The following XIAP variants were observed in gnomAD, a reference collection of about 807,000 sequenced individuals.
XIAP encodes the protein X-linked inhibitor of apoptosis.
In XIAP, 3 loss-of-function variants were observed where a neutral mutation model predicts 33.1. The observed-to-expected ratio is 0.09, with a 90% CI of 0.04 to 0.23. XIAP has a LOEUF of 0.23. XIAP is among the 10% of genes least tolerant of loss of function. XIAP has a pLI of 1.00. For synonymous variants in XIAP, 98 were observed against 121.3 expected, an observed-to-expected ratio of 0.81 and a Z score of 1.26; for missense variants, 264 against 363.0, an observed-to-expected ratio of 0.73 and a Z score of 2.22.
chrX:123,866,583 T>C lies in XIAP; in HGVS notation c.-33+6290T>C, dbSNP rs780932061. ...GATATATATAATATAGTATATAATA[T>C]ATTACATGTATAATATATTATATAT... On this transcript the variant is annotated intron_variant, in intron 1 of 6. Transcript: ENST00000371199. Among the ~76,000 whole-genome samples the C allele has an allele frequency of 5.4e-4, 55 of 101,851 alleles. No individual in the cohort carries two copies. In the Admixed American group the frequency reaches 5.9e-3, roughly 11 times the overall value. 88.4% of individuals were successfully genotyped at this position (101,851 alleles called of 115,157 possible).
Position 123,910,697 on chromosome X carries a change from G to A in XIAP, c.*3516G>A, listed in dbSNP as rs1194178245. ...ATCCTGGCTAACACGGTGAAACCCC[G>A]TCTCTACTAAAAAACAGAAAATTAG... On this transcript the variant is annotated 3_prime_UTR_variant, in exon 7 of 7. Transcript: ENST00000371199. 12 of 294,427 alleles carry A rather than the reference G, an allele frequency of 4.1e-5. No individual in the cohort carries two copies. Among genetic ancestry groups the A allele is most frequent in the African/African-American group, 1.4e-4 (5 of 35,686 alleles). 24.3% of individuals were successfully genotyped at this position (294,427 alleles called of 1,213,427 possible).
chrX:123,887,986 G>GA lies in XIAP; in HGVS notation c.878-626dup, dbSNP rs199805333. Among the ~76,000 whole-genome samples, 147 of 98,160 alleles carry GA rather than the reference G, an allele frequency of 1.5e-3. 1 individual carries two copies. The highest frequency in any genetic ancestry group is 5.5e-3 in the African/African-American group (141 of 25,870). 85.2% of individuals were successfully genotyped at this position (98,160 alleles called of 115,157 possible). A position where few individuals can be genotyped will look rare whatever the true frequency, so the allele number is the denominator to read the frequency against. On this transcript the variant is annotated intron_variant, in intron 2 of 6. Coordinates refer to ENST00000371199, the MANE Select transcript of XIAP (RefSeq NM_001167.4). ...GCAACAAGAGTAAAACTCCATCTCA[G>GA]AAAAAAATAATAATAATTAATAAAT...
At chrX:123,884,501 A>G (rs1309109436) in intron 1 of XIAP, among the ~76,000 whole-genome samples, 1 of 110,848 alleles carries the variant, frequency 9.0e-6, no homozygotes, top group Non-Finnish European at 1.9e-5. Flanking sequence ...AAAAAAATCA[A>G]TTAATGCACG....
chrX:123,908,756 T>C lies in XIAP; in HGVS notation c.*1575T>C, dbSNP rs1381583897. The C allele has an allele frequency of 8.7e-6, 3 of 344,292 alleles. No individual in the cohort carries two copies. Among genetic ancestry groups the C allele is most frequent in the African/African-American group, 7.9e-5 (3 of 38,126 alleles). The allele number at this position is 344,292 out of a possible 1,213,427, so 28.4% of individuals were successfully genotyped here. ...GAAGAATAGTTGTTTAAATATTTTT[T>C]AAAAAACACTTGAATAAGAATCAGT... On this transcript the variant is annotated 3_prime_UTR_variant, in exon 7 of 7. Coordinates refer to ENST00000371199, the MANE Select transcript of XIAP (RefSeq NM_001167.4).
intron 6 of XIAP, among the ~76,000 whole-genome samples, chrX:123,904,680 G>A (rs1340062627): frequency 8.9e-6 from 1 of 112,252 alleles, no homozygotes; most frequent in Non-Finnish European, 1.9e-5. Flanking sequence ...GGAGTGCAGT[G>A]GCACACAATC....
At chrX:123,874,675 CATAAT>C (rs1238936311) in intron 1 of XIAP, 1 of 98,995 alleles carries the variant, frequency 1.0e-5, no homozygotes, top group African/African-American at 3.7e-5. Flanking sequence ...TATATACACT[CATAAT>C]GAAATGATGG....
At chrX:123,885,564 C>T (rs1003770748) in intron 1 of XIAP, 67 bp from the exon 2 acceptor site, 57 of 913,767 alleles carry the variant, frequency 6.2e-5, no homozygotes, top group Non-Finnish European at 8.1e-5. Context: ...TTTGTTAGCT[C>T]CTATAACAAA....
rs778669765 is a variant in XIAP, at chrX:123,912,452, A to G, written c.*5271A>G. 1 of 328,489 alleles carries G rather than the reference A, an allele frequency of 3.0e-6. No individual in the cohort carries two copies. The highest frequency in any genetic ancestry group is 5.9e-6 in the Non-Finnish European group (1 of 169,771). The allele number at this position is 328,489 out of a possible 1,213,427, so 27.1% of individuals were successfully genotyped here. ...AGTATATGATGCCAGCCTGGACAAA[A>G]GGCAAAACCCTGTCTCTACAAAAAA... On this transcript the variant is annotated 3_prime_UTR_variant, in exon 7 of 7. Transcript: ENST00000371199.
chrX:123,860,363 CTTT>C (rs777523821), intron 1 of XIAP, 70 bp downstream of exon 1: 1 of 318,268 alleles, frequency 3.1e-6, no homozygotes, highest in Non-Finnish European at 6.1e-6. Flanking sequence ...CTCCCCTCTT[CTTT>C]TCCCCTCCAC....
intron 1 of XIAP, among the ~76,000 whole-genome samples, chrX:123,883,040 C>T (rs2053317933): frequency 9.2e-6 from 1 of 109,260 alleles, no homozygotes. Context: ...GGTGACCCAC[C>T]CTCCTCAGCC....
chrX:123,893,037 G>C (rs28382732), intron 5 of XIAP, among the ~76,000 whole-genome samples: 20,503 of 107,275 alleles, frequency 0.19, 1,472 homozygotes, highest in South Asian at 0.38. Context: ...GGCCAGGCTG[G>C]TCTCAAACTC....
intron 5 of XIAP, among the ~76,000 whole-genome samples, chrX:123,895,222 A>G (rs1371995956): frequency 8.9e-6 from 1 of 111,869 alleles, no homozygotes; most frequent in Non-Finnish European, 1.9e-5. Context: ...TTTAATGTAA[A>G]TGGAATAATG....
At chrX:123,903,559 T>C (rs2053532941) in intron 6 of XIAP, among the ~76,000 whole-genome samples, 1 of 108,359 alleles carries the variant, frequency 9.2e-6, no homozygotes, top group South Asian at 4.0e-4. Context: ...ATCACGCCGA[T>C]AGTTGGGAAT....
chrX:123,873,755 C>G (rs1269874852), intron 1 of XIAP: 1 of 93,995 alleles, frequency 1.1e-5, no homozygotes, highest in Non-Finnish European at 2.1e-5. Flanking sequence ...GGTGAAACCA[C>G]ATCTCTACTA....
chrX:123,882,376 A>G lies in XIAP; in HGVS notation c.-32-3255A>G, dbSNP rs1181651615. Among the ~76,000 whole-genome samples the G allele has an allele frequency of 4.5e-5, 5 of 111,927 alleles. No individual in the cohort carries two copies. The Admixed American group carries it at 4.8e-4, about 11-fold the overall frequency. On this transcript the variant is annotated intron_variant, in intron 1 of 6. Coordinates refer to ENST00000371199, the MANE Select transcript of XIAP (RefSeq NM_001167.4). Reference sequence around the variant, plus strand: ...AAAATTTGGATCTGTTTTCTACATGATAATCTTTTAGATATCTTAAGGTAG... The same window carrying G: ...AAAATTTGGATCTGTTTTCTACATGGTAATCTTTTAGATATCTTAAGGTAG...
chrX:123,881,587 A>G (rs1180102266), intron 1 of XIAP, among the ~76,000 whole-genome samples: 1 of 111,381 alleles, frequency 9.0e-6, no homozygotes, highest in Non-Finnish European at 1.9e-5. Flanking sequence ...AATCTGAACT[A>G]TTAGCATGGA....
intron 1 of XIAP, among the ~76,000 whole-genome samples, chrX:123,878,153 CTT>C (rs898201771): frequency 1.8e-5 from 2 of 111,557 alleles, no homozygotes; most frequent in African/African-American, 3.3e-5. Context: ...GCAAAAGCCT[CTT>C]TGTTTTAGAC....
rs372282599 is a variant in XIAP at position 123,892,716 on chromosome X, C to G, written c.1057-15C>G. ...CAAAAATAATTCTAACTTACAGTTC[C>G]TATTTCTGTTACAGGTAAGAACTAC... On this transcript the variant is annotated splice_polypyrimidine_tract_variant and intron_variant, in intron 4 of 6. Transcript: ENST00000371199. 1 of 1,189,527 alleles carries G rather than the reference C, an allele frequency of 8.4e-7. No homozygotes were observed. The highest frequency in any genetic ancestry group is 2.4e-4 in the Middle Eastern group (1 of 4,242).
At position 123,861,289 on chromosome X, in the gene XIAP, T is replaced by C. The variant is rs756716737; in HGVS notation, c.-33+996T>C. Among the ~76,000 whole-genome samples, 4 of 111,750 alleles carry C rather than the reference T, an allele frequency of 3.6e-5. No homozygotes were observed. The South Asian group carries it at 1.5e-3, about 41-fold the overall frequency. On this transcript the variant is annotated intron_variant, in intron 1 of 6. Coordinates refer to ENST00000371199, the MANE Select transcript of XIAP (RefSeq NM_001167.4). ...CCACTCTTACTGCGCAATTGCTCCA[T>C]ATCGCCTCCAAGCATGAAAATTAAA...
Sources: allele counts gnomAD v4.1 joint callset (sites outside exome capture counted in the v4.1 genomes callset), GRCh38; gene constraint gnomAD v4.1.1; transcripts MANE v1.5; gene names NCBI Gene and HGNC (gene_info 2026-07-23, HGNC 2026-07-21).